Variants in DLG1 observed in about 807,000 individuals in gnomAD.
The protein encoded by DLG1 is discs large MAGUK scaffold protein 1, also known as disks large homolog 1.
Under a neutral mutation model 123.4 loss-of-function variants are expected in DLG1, and 42 were observed. The observed-to-expected ratio is 0.34, with a 90% CI of 0.27 to 0.44. The LOEUF (loss-of-function observed/expected upper bound fraction) is 0.44. Ranked by LOEUF, DLG1 falls within the 20% of genes least tolerant of loss-of-function variation. The pLI is 1.00. For missense variants in DLG1, 942 were observed against 1,082.6 expected, an observed-to-expected ratio of 0.87 and a Z score of 1.82; for synonymous variants, 317 against 356.2, an observed-to-expected ratio of 0.89 and a Z score of 1.24.
intron 3 of DLG1, among the ~76,000 whole-genome samples, chr3:197,288,220 T>C (rs1772775180): frequency 6.6e-6 from 1 of 151,482 alleles, no homozygotes; most frequent in Admixed American, 6.6e-5. Flanking sequence ...AAAAACTAGC[T>C]AGGCGTGGTG....
At chr3:197,297,920 C>A in intron 1 of DLG1, 1 of 984,294 alleles carries the variant, frequency 1.0e-6, no homozygotes, top group Non-Finnish European at 1.2e-6. Flanking sequence ...CGGAGCCGAG[C>A]GGAGGGGGCG....
intron 4 of DLG1, among the ~76,000 whole-genome samples, chr3:197,238,629 A>G (rs1747260782): frequency 6.6e-6 from 1 of 152,200 alleles, no homozygotes; most frequent in South Asian, 2.1e-4. Context: ...ATAGCACATG[A>G]ACTATCATCT....
At chr3:197,152,552 G>A (rs576812977) in intron 5 of DLG1, among the ~76,000 whole-genome samples, 1 of 151,312 alleles carries the variant, frequency 6.6e-6, no homozygotes, top group Admixed American at 6.6e-5. Flanking sequence ...CAAGGCGGGT[G>A]GATCACGAGG....
intron 4 of DLG1, among the ~76,000 whole-genome samples, chr3:197,244,928 CT>C (rs1221146214): frequency 6.6e-6 from 1 of 152,106 alleles, no homozygotes; most frequent in Non-Finnish European, 1.5e-5. Context: ...GAGAAACTGA[CT>C]TTTAGTTTCA....
chr3:197,273,849 C>CAAAAAAAAAAAAAAAAAAAAAAA (rs58880007), intron 4 of DLG1, among the ~76,000 whole-genome samples: 1 of 48,708 alleles, frequency 2.1e-5, no homozygotes. Flanking sequence ...TAATAGCTAC[C>CAAAAAAAAAAAAAAAAAAAAAAA]AAAAAAAAAA....
chr3:197,249,426 TA>T (rs1753303561), intron 4 of DLG1, among the ~76,000 whole-genome samples: 1 of 151,834 alleles, frequency 6.6e-6, no homozygotes, highest in African/African-American at 2.4e-5. Context: ...CACTAAATAT[TA>T]AAATTTTTAA....
intron 10 of DLG1, 45 bp downstream of exon 10, chr3:197,136,497 C>T (rs371643300): frequency 1.4e-5 from 21 of 1,524,384 alleles, no homozygotes; most frequent in Middle Eastern, 3.5e-4. Flanking sequence ...GAAAAATAAA[C>T]AGACTACAAA....
chr3:197,066,859 G>A (rs1739958723), intron 19 of DLG1, 105 bp from the exon 20 acceptor site: 1 of 696,308 alleles, frequency 1.4e-6, no homozygotes, highest in Non-Finnish European at 2.4e-6. Context: ...CTGAGAAAAT[G>A]GCAAAGATAT....
At chr3:197,115,864 C>A (rs1773005519) in intron 13 of DLG1, 63 bp downstream of exon 13, 2 of 1,525,854 alleles carry the variant, frequency 1.3e-6, no homozygotes, top group South Asian at 1.2e-5. Flanking sequence ...AAACAGAAGA[C>A]CTTGCTTTAA....
At chr3:197,145,124 C>G (rs1418936475) in intron 6 of DLG1, among the ~76,000 whole-genome samples, 1 of 151,954 alleles carries the variant, frequency 6.6e-6, no homozygotes, top group Non-Finnish European at 1.5e-5. Flanking sequence ...ACTTCAAGAG[C>G]TGTGTTGATC....
rs1415072080 is a variant in DLG1, at chr3:197,297,426, C to T, written c.-31-191G>A. On this transcript the variant is annotated intron_variant, in intron 1 of 24. Transcript: ENST00000667157. ...AAAGCTTTTCCTTGGAGTGGGTACC[C>T]CTCCAAATTAAGAACAGACAGAAGT... The T allele has an allele frequency of 5.7e-6, 8 of 1,409,100 alleles. No homozygotes were observed. The African/African-American group carries it at 7.3e-5, about 13-fold the overall frequency. The allele number at this position is 1,409,100 out of a possible 1,614,324, so 87.3% of individuals were successfully genotyped here.
intron 4 of DLG1, among the ~76,000 whole-genome samples, chr3:197,208,218 A>G (rs1729589371): frequency 6.8e-6 from 1 of 146,734 alleles, no homozygotes; most frequent in Non-Finnish European, 1.5e-5. Context: ...TACTTCTCAC[A>G]TTATCAGATT....
chr3:197,254,496 TA>T, intron 4 of DLG1, among the ~76,000 whole-genome samples: 1 of 152,170 alleles, frequency 6.6e-6, no homozygotes, highest in Non-Finnish European at 1.5e-5. Flanking sequence ...ATACGTTATT[TA>T]GAGCACAATA....
intron 18 of DLG1, among the ~76,000 whole-genome samples, chr3:197,071,914 G>C (rs1744200965): frequency 6.6e-6 from 1 of 152,110 alleles, no homozygotes; most frequent in Non-Finnish European, 1.5e-5. Flanking sequence ...ATACGACCCA[G>C]CAATTCCTTT....
chr3:197,106,387 C>CAG (rs1766374662), intron 13 of DLG1, among the ~76,000 whole-genome samples: 1 of 152,156 alleles, frequency 6.6e-6, no homozygotes, highest in East Asian at 1.9e-4. Context: ...GCCTGGGTGA[C>CAG]AGAGAGAGGG....
At chr3:197,052,001 T>C (rs1200797716) in intron 23 of DLG1, among the ~76,000 whole-genome samples, 5 of 151,530 alleles carry the variant, frequency 3.3e-5, no homozygotes, top group East Asian at 2.0e-4. Flanking sequence ...CCACCACGCC[T>C]GGCTAATTTT....
intron 16 of DLG1, among the ~76,000 whole-genome samples, chr3:197,084,737 ATTATTT>A (rs1355675799): frequency 7.2e-6 from 1 of 138,952 alleles, no homozygotes. Flanking sequence ...AGTTCTGGTG[ATTATTT>A]TTAATTTTTT....
chr3:197,235,724 C>T (rs1202798835), intron 4 of DLG1, among the ~76,000 whole-genome samples: 1 of 152,186 alleles, frequency 6.6e-6, no homozygotes, highest in East Asian at 1.9e-4. Context: ...CAATTACATT[C>T]ACAATGTCTG....
chr3:197,091,216 T>C (rs929574489), intron 14 of DLG1, among the ~76,000 whole-genome samples, 190 bp from the exon 15 acceptor site: 1 of 152,068 alleles, frequency 6.6e-6, no homozygotes, highest in Non-Finnish European at 1.5e-5. Flanking sequence ...AAATGTACCA[T>C]AAATTAGAAT....
Sources: allele counts gnomAD v4.1 joint callset (sites outside exome capture counted in the v4.1 genomes callset), GRCh38; gene constraint gnomAD v4.1.1; transcripts MANE v1.5; gene names NCBI Gene and HGNC (gene_info 2026-07-23, HGNC 2026-07-21).